The following CROCC variants were observed in gnomAD, a reference collection of about 807,000 sequenced individuals.
The protein encoded by CROCC is rootletin.
In CROCC, 180 loss-of-function variants were observed where a neutral mutation model predicts 245.2. The ratio of observed to expected loss-of-function variants is 0.73; its 90% CI spans 0.65 to 0.83. CROCC has a LOEUF of 0.83. Among genes scored for constraint, CROCC ranks in the 40% least tolerant of loss-of-function variants. CROCC has a pLI of 0.00. For missense variants in CROCC, 2,688 were observed against 2,779.4 expected, an observed-to-expected ratio of 0.97 and a Z score of 0.74; for synonymous variants, 1,205 against 1,241.6, an observed-to-expected ratio of 0.97 and a Z score of 0.62.
At chr1:16,914,209 T>C (rs1357573154) in intron 1 of CROCC, among the ~76,000 whole-genome samples, 2 of 151,862 alleles carry the variant, frequency 1.3e-5, no homozygotes, top group Admixed American at 6.6e-5. Flanking sequence ...GCCGCGCGCC[T>C]GGGGGCGGGC....
intron 13 of CROCC, chr1:16,940,760 T>A (rs1257663235): frequency 3.6e-6 from 1 of 275,192 alleles, no homozygotes; most frequent in Non-Finnish European, 7.4e-6. Context: ...ACACTCTTGC[T>A]CTGTTTCCCA....
chr1:16,970,658 G>A lies in CROCC; in HGVS notation c.5675G>A (p.Ser1892Asn). The A allele has an allele frequency of 6.4e-7, 1 of 1,570,150 alleles. No homozygotes were observed. Among genetic ancestry groups the A allele is most frequent in the Non-Finnish European group, 8.6e-7 (1 of 1,157,388 alleles). Residue 1892 changes from serine to asparagine, a missense_variant, in exon 35 of 37, where the codon AGC (serine) becomes AAC (asparagine). By Grantham distance (46) the Ser-to-Asn change is conservative. Around this residue, in one of 9 missense-constraint regions of CROCC, gnomAD observed 1,218 missense variants for 1,286.3 expected, o/e 0.95. Coordinates refer to ENST00000375541, the MANE Select transcript of CROCC (RefSeq NM_014675.5). Reference protein sequence around the residue: ...LDKVEREKLRSHEDTVRLSAE... With the variant: ...LDKVEREKLRNHEDTVRLSAE... Reference sequence around the variant, plus strand: ...TAGGTGGAGCGGGAGAAGCTTCGTAGCCATGAGGACACAGTGCGGCTGAGC... The same window carrying A: ...TAGGTGGAGCGGGAGAAGCTTCGTAACCATGAGGACACAGTGCGGCTGAGC...
intron 7 of CROCC, among the ~76,000 whole-genome samples, chr1:16,930,847 G>C (rs1391541232): frequency 1.3e-5 from 2 of 152,292 alleles, no homozygotes; most frequent in African/African-American, 2.4e-5. Flanking sequence ...ATTTTAAAGA[G>C]AGGTTAAGGC....
Position 16,956,241 on chromosome 1 carries a change from C to A in CROCC, c.3864+85C>A, listed in dbSNP as rs553006588. 2.2e-6 allele frequency: 3 copies of A among 1,367,094 alleles called. No individual in the cohort carries two copies. In the South Asian group the frequency reaches 4.5e-5, roughly 21 times the overall value. 84.7% of individuals were successfully genotyped at this position (1,367,094 alleles called of 1,614,324 possible). A position where few individuals can be genotyped will look rare whatever the true frequency, so the allele number is the denominator to read the frequency against. On this transcript the variant is annotated intron_variant, in intron 25 of 36. Transcript: ENST00000375541. ...CCCCCTTTCTGGAATTACGTTTCTA[C>A]CCCTATGTAAAACCAGGGGCTTGAA...
Position 16,930,199 on chromosome 1 carries a change from C to T in CROCC, c.613C>T (p.Arg205Trp), listed in dbSNP as rs572252498. The T allele has an allele frequency of 2.5e-5, 39 of 1,590,004 alleles. No homozygotes were observed. Among genetic ancestry groups the T allele is most frequent in the East Asian group, 9.1e-5 (4 of 43,864 alleles). Residue 205 changes from arginine (R) to tryptophan (W), a missense_variant, in exon 5 of 37, where the codon CGG becomes TGG. By Grantham distance (101) the Arg-to-Trp change is moderately radical. This residue lies in a region of CROCC where 972 missense variants were observed against 895.3 expected (regional missense o/e 1.09). Coordinates refer to ENST00000375541, the MANE Select transcript of CROCC (RefSeq NM_014675.5). Reference protein sequence around the residue: ...LERSGELEQQRLRDTEHSQDL... With the variant: ...LERSGELEQQWLRDTEHSQDL... ...GAGATCCGGAGAGCTGGAGCAGCAG[C>T]GGCTGAGGGTGGGTGCCAGTGTGGG... is the stretch of plus-strand genomic sequence containing the variant.
chr1:16,925,097 C>A (rs547728606), intron 3 of CROCC, among the ~76,000 whole-genome samples: 4 of 152,362 alleles, frequency 2.6e-5, no homozygotes, highest in South Asian at 2.1e-4. Context: ...GCGAGGGGTG[C>A]GGGATGCTCT....
At chr1:16,937,507 T>C (rs1473476533) in intron 9 of CROCC, 134 bp from the exon 10 acceptor site, 2 of 723,478 alleles carry the variant, frequency 2.8e-6, no homozygotes, top group Non-Finnish European at 4.9e-6. Flanking sequence ...GGGACTTGTC[T>C]GAGGTCACAC....
chr1:16,959,186 C>T (rs1354222525), intron 26 of CROCC, among the ~76,000 whole-genome samples: 1 of 152,150 alleles, frequency 6.6e-6, no homozygotes, highest in Non-Finnish European at 1.5e-5. Flanking sequence ...CCACGCCCAG[C>T]TAATTTTTTG....
chr1:16,969,853 G>C lies in CROCC; in HGVS notation c.5370G>C (p.Gln1790His). 6.2e-7 allele frequency: 1 copy of C among 1,612,916 alleles called. No homozygotes were observed. Among genetic ancestry groups the C allele is most frequent in the Non-Finnish European group, 8.5e-7 (1 of 1,179,552 alleles). ...ARKQSSSLGE[Q>H]VQTLRGEVAD... Reference sequence around the variant, plus strand: ...AGCAGAGCAGCTCCCTGGGCGAGCAGGTGCAGACGTTGCGAGGCGAGGTGG... The same window carrying C: ...AGCAGAGCAGCTCCCTGGGCGAGCACGTGCAGACGTTGCGAGGCGAGGTGG... The change falls in exon 33 of 37, where the codon CAG (glutamine) becomes CAC (histidine). Residue 1790 changes from glutamine (Q) to histidine (H), a missense_variant. This residue lies in a region of CROCC where 1,218 missense variants were observed against 1,286.3 expected (regional missense o/e 0.95). Transcript: ENST00000375541.
chr1:16,922,265 T>A (rs1205516939), intron 1 of CROCC, among the ~76,000 whole-genome samples, 187 bp downstream of exon 1: 1 of 152,264 alleles, frequency 6.6e-6, no homozygotes, highest in Non-Finnish European at 1.5e-5. Context: ...AGGGTGCACC[T>A]GCTGTGGCTC....
At chr1:16,939,209 T>TGGTGGC in intron 12 of CROCC, 67 bp downstream of exon 12, 2 of 695,988 alleles carry the variant, frequency 2.9e-6, no homozygotes, top group Non-Finnish European at 4.2e-6. Context: ...GCCCTCCGGG[T>TGGTGGC]GGGGGCGGGG....
chr1:16,928,129 C>T (rs1433472649), intron 3 of CROCC, among the ~76,000 whole-genome samples: 1 of 152,298 alleles, frequency 6.6e-6, no homozygotes, highest in African/African-American at 2.4e-5. Flanking sequence ...TGGCGTGGCC[C>T]TGCACGGGTG....
chr1:16,963,351 C>T (rs2076364605), intron 27 of CROCC, among the ~76,000 whole-genome samples: 1 of 151,830 alleles, frequency 6.6e-6, no homozygotes, highest in Non-Finnish European at 1.5e-5. Flanking sequence ...TGGAGGTGCG[C>T]CTGTCCTGTG....
chr1:16,955,974 C>T, intron 24 of CROCC, 23 bp from the exon 25 acceptor site: 2 of 1,548,936 alleles, frequency 1.3e-6, no homozygotes, highest in East Asian at 4.9e-5. Context: ...CCCAGGGCAG[C>T]CCCTGACCTC....
intron 27 of CROCC, among the ~76,000 whole-genome samples, chr1:16,961,893 C>G (rs2076339627): frequency 6.6e-6 from 1 of 152,080 alleles, no homozygotes; most frequent in African/African-American, 2.4e-5. Flanking sequence ...CGTGCCTTTC[C>G]TGGACCGGGG....
intron 8 of CROCC, among the ~76,000 whole-genome samples, chr1:16,936,042 C>A (rs1409724403): frequency 2.6e-5 from 4 of 152,240 alleles, no homozygotes; most frequent in African/African-American, 9.6e-5. Context: ...CAGAGCCCCT[C>A]CTTGTGTATT....
At position 16,924,449 on chromosome 1, in the gene CROCC, C is replaced by T. The variant is rs148572053; in HGVS notation, c.321C>T (p.Leu107=). Residue 107 remains leucine (L), a synonymous_variant, in exon 3 of 37, where the codon CTC becomes CTT. Coordinates refer to ENST00000375541, the MANE Select transcript of CROCC (RefSeq NM_014675.5). Reference sequence around the variant, plus strand: ...AGAGCCGTGCCGAGCGCGATGAGCTCGCCATTAAGTACAATGCGGTCAGCG... The same window carrying T: ...AGAGCCGTGCCGAGCGCGATGAGCTTGCCATTAAGTACAATGCGGTCAGCG... ...LAQSRAERDE[L]AIKYNAVSER... is the part of the protein sequence containing the mutation. 8.2e-5 allele frequency: 132 copies of T among 1,613,442 alleles called. No homozygotes were observed. In the African/African-American group the frequency reaches 1.1e-3, roughly 14 times the overall value.
intron 30 of CROCC, among the ~76,000 whole-genome samples, chr1:16,967,527 G>C (rs77226181): frequency 0.037 from 5,683 of 152,276 alleles, 339 homozygotes; most frequent in African/African-American, 0.13. Flanking sequence ...GAGCCAGAGT[G>C]GGGGCCCCAG....
intron 27 of CROCC, 75 bp downstream of exon 27, chr1:16,961,205 GTGTTTTTGTTTT>G (rs995157335): frequency 2.5e-5 from 31 of 1,232,904 alleles, no homozygotes; most frequent in East Asian, 3.4e-5. Context: ...ACATGGCAGG[GTGTTTTTGTTTT>G]TGTTTTTGTT....
Sources: allele counts gnomAD v4.1 joint callset (sites outside exome capture counted in the v4.1 genomes callset), GRCh38; gene constraint gnomAD v4.1.1; regional missense constraint gnomAD v4.1.1; transcripts MANE v1.5; gene names NCBI Gene and HGNC (gene_info 2026-07-23, HGNC 2026-07-21).